INSL6: variants seen among roughly 807,000 people sequenced by gnomAD.
INSL6 encodes insulin-like peptide INSL6.
Under a neutral mutation model 9.4 loss-of-function variants are expected in INSL6, and 16 were observed. That is an observed-to-expected ratio of 1.70 (90% CI 1.15 to 2.59). The LOEUF (loss-of-function observed/expected upper bound fraction) is 2.59. INSL6 is among the 30% of genes most tolerant of loss of function. The probability of loss-of-function intolerance (pLI) is 0.00; values close to 1 mark genes in which losing one functional copy is unlikely to be tolerated. For synonymous variants in INSL6, 154 were observed against 96.9 expected, an observed-to-expected ratio of 1.59 and a Z score of -3.46; for missense variants, 391 against 257.3, an observed-to-expected ratio of 1.52 and a Z score of -3.56.
the INSL6 span, chr9:5,041,619 C>A: frequency 4.0e-6 from 2 of 496,912 alleles, no homozygotes; most frequent in Non-Finnish European, 8.1e-6. Context: ...TGACTACATG[C>A]GGCGCCTGGA....
At chr9:4,993,382 C>T in the INSL6 span, among the ~76,000 whole-genome samples, 1 of 152,154 alleles carries the variant, frequency 6.6e-6, no homozygotes. Context: ...GTTCTGAGTC[C>T]ATTACATCTC....
intron 2 of INSL6, among the ~76,000 whole-genome samples, chr9:5,142,979 T>C (rs1324061481): frequency 2.0e-5 from 3 of 152,238 alleles, no homozygotes; most frequent in Non-Finnish European, 2.9e-5. Flanking sequence ...TCTTTAGCTC[T>C]GTTTATGTGG....
the INSL6 span, among the ~76,000 whole-genome samples, chr9:5,074,670 A>C: frequency 2.0e-5 from 3 of 152,334 alleles, no homozygotes; most frequent in Non-Finnish European, 2.9e-5. Context: ...ACAATATTAA[A>C]ATTAGGCCAT....
At chr9:5,077,542 G>C in the INSL6 span, 2 of 1,492,158 alleles carry the variant, frequency 1.3e-6, no homozygotes, top group African/African-American at 2.9e-5. Context: ...ATGGAAACTT[G>C]AAGTTGCTAA....
At chr9:5,009,396 A>G in the INSL6 span, among the ~76,000 whole-genome samples, 1 of 152,280 alleles carries the variant, frequency 6.6e-6, no homozygotes, top group Admixed American at 6.5e-5. Context: ...CAGCACAGGA[A>G]CACTATGAAA....
chr9:5,019,609 A>G, the INSL6 span, among the ~76,000 whole-genome samples: 280 of 152,198 alleles, frequency 1.8e-3, 2 homozygotes, highest in African/African-American at 6.5e-3. Context: ...CTATGTTCCC[A>G]TGTTTCTTGT....
chr9:5,070,247 A>T, the INSL6 span, among the ~76,000 whole-genome samples: 1 of 152,172 alleles, frequency 6.6e-6, no homozygotes, highest in Non-Finnish European at 1.5e-5. Flanking sequence ...TTATCCTAAG[A>T]ATGGAATCTT....
At chr9:5,171,637 G>C (rs528878200) in intron 1 of INSL6, among the ~76,000 whole-genome samples, 10 of 152,184 alleles carry the variant, frequency 6.6e-5, no homozygotes, top group Non-Finnish European at 1.0e-4. Context: ...AGCAAATTCA[G>C]CAAAGTCTCA....
At chr9:5,136,564 T>G (rs1824390309) in intron 2 of INSL6, among the ~76,000 whole-genome samples, 1 of 152,178 alleles carries the variant, frequency 6.6e-6, no homozygotes, top group Non-Finnish European at 1.5e-5. Context: ...TTGACAAAAT[T>G]CTACAGCCCT....
the INSL6 span, among the ~76,000 whole-genome samples, chr9:5,015,553 G>C: frequency 3.4e-5 from 4 of 117,498 alleles, no homozygotes; most frequent in Non-Finnish European, 7.1e-5. Flanking sequence ...TTTTTTTTTT[G>C]AGACAAGGTC....
At position 5,185,362 on chromosome 9, in the gene INSL6, C is replaced by T. The variant is rs971310807; in HGVS notation, c.241G>A (p.Glu81Lys). The change falls in exon 1 of 2, where the codon GAA (glutamate) becomes AAA (lysine). Residue 81 changes from glutamate to lysine, a missense_variant. By Grantham distance (56) the Glu-to-Lys change is moderately conservative (BLOSUM62 1). Transcript: ENST00000381641. Reference protein sequence around the residue: ...KVEAYSPYQFESPQTASPARG... With the variant: ...KVEAYSPYQFKSPQTASPARG... ...GCCGGGGAAGCGGTTTGCGGGCTTT[C>T]GAACTGGTATGGGCTGTAGGCTTCG... is the stretch of plus-strand genomic sequence containing the variant. 2 of 1,614,068 alleles carry T rather than the reference C, an allele frequency of 1.2e-6. No homozygotes were observed. Among genetic ancestry groups the T allele is most frequent in the Admixed American group, 1.7e-5 (1 of 60,018 alleles).
the INSL6 span, among the ~76,000 whole-genome samples, chr9:5,039,875 A>G: frequency 6.6e-6 from 1 of 152,200 alleles, no homozygotes; most frequent in South Asian, 2.1e-4. Flanking sequence ...TATTTTTAAG[A>G]TGGCAATACT....
At chr9:5,042,734 G>A in the INSL6 span, among the ~76,000 whole-genome samples, 1 of 152,324 alleles carries the variant, frequency 6.6e-6, no homozygotes, top group East Asian at 1.9e-4. Flanking sequence ...CCACCTGGGA[G>A]GGACACAGGC....
At chr9:4,992,808 A>G in the INSL6 span, among the ~76,000 whole-genome samples, 1 of 152,214 alleles carries the variant, frequency 6.6e-6, no homozygotes, top group Non-Finnish European at 1.5e-5. Context: ...GAAGCATGCA[A>G]GGTAGGCACA....
chr9:5,021,872 A>G, the INSL6 span: 96 of 672,246 alleles, frequency 1.4e-4, no homozygotes, highest in African/African-American at 1.4e-3. Context: ...GGCTCAAGCT[A>G]TCTGCCCGCC....
the INSL6 span, among the ~76,000 whole-genome samples, chr9:5,045,586 A>G: frequency 2.0e-5 from 3 of 152,112 alleles, no homozygotes; most frequent in African/African-American, 7.2e-5. Flanking sequence ...CCCACTCCCA[A>G]TGGCCTTTTG....
chr9:5,180,924 A>AC (rs1169285265), intron 1 of INSL6, among the ~76,000 whole-genome samples: 2 of 151,768 alleles, frequency 1.3e-5, no homozygotes, highest in Admixed American at 6.6e-5. Flanking sequence ...CTGTTCTTAC[A>AC]CCCCCTCCCC....
the INSL6 span, chr9:5,041,277 AG>A: frequency 3.6e-6 from 4 of 1,116,068 alleles, no homozygotes; most frequent in African/African-American, 4.6e-5. Flanking sequence ...GGGCTGGCCA[AG>A]GGGTACACTG....
the INSL6 span, among the ~76,000 whole-genome samples, chr9:5,029,038 C>G: frequency 4.1e-3 from 626 of 152,316 alleles, 5 homozygotes; most frequent in African/African-American, 0.014. Context: ...GGAGGCCTGG[C>G]TTTTAGCCTC....
Sources: gnomAD v4.1 joint callset for allele counts (sites outside exome capture counted in the v4.1 genomes callset) on GRCh38, gnomAD v4.1.1 for gene constraint, MANE v1.5 for transcripts, NCBI Gene and HGNC (gene_info 2026-07-23, HGNC 2026-07-21) for gene names.